DCDC2C: variants seen among roughly 807,000 people sequenced by gnomAD.
The protein encoded by DCDC2C is doublecortin domain containing 2C, also known as doublecortin domain-containing protein 2C.
Under a neutral mutation model 45.0 loss-of-function variants are expected in DCDC2C, and 44 were observed. The ratio of observed to expected loss-of-function variants is 0.98; its 90% CI spans 0.77 to 1.26. The LOEUF is 1.26. DCDC2C is among the 50% of genes most tolerant of loss of function. DCDC2C has a pLI of 0.00. For missense variants in DCDC2C, 447 were observed against 468.9 expected, an observed-to-expected ratio of 0.95 and a Z score of 0.43; for synonymous variants, 187 against 178.8, an observed-to-expected ratio of 1.05 and a Z score of -0.37.
At chr2:3,725,332 G>A (rs1668612495) in intron 2 of DCDC2C, among the ~76,000 whole-genome samples, 1 of 151,666 alleles carries the variant, frequency 6.6e-6, no homozygotes, top group South Asian at 2.1e-4. Flanking sequence ...GTGCAGCAGA[G>A]GCCCCGGGAA....
intron 2 of DCDC2C, among the ~76,000 whole-genome samples, chr2:3,719,399 T>C (rs1170600970): frequency 6.6e-6 from 1 of 152,212 alleles, no homozygotes; most frequent in Non-Finnish European, 1.5e-5. Context: ...GTTTTCATTT[T>C]CCAGGGGCTC....
intron 10 of DCDC2C, among the ~76,000 whole-genome samples, chr2:3,801,063 A>G (rs1201360942): frequency 3.9e-5 from 6 of 152,236 alleles, no homozygotes; most frequent in Non-Finnish European, 8.8e-5. Flanking sequence ...TAGATCCCCC[A>G]GGAATCCACA....
At chr2:3,726,930 G>A (rs1358376040) in intron 2 of DCDC2C, 73 bp from the exon 3 acceptor site, 22 of 1,348,866 alleles carry the variant, frequency 1.6e-5, no homozygotes, top group South Asian at 5.0e-5. Context: ...GGGCAGTGCT[G>A]TGCACACTGT....
rs76069920 is a variant in DCDC2C at position 3,783,740 on chromosome 2, T to A, written c.1024-1319T>A. 1.6e-3 allele frequency among the ~76,000 whole-genome samples: 237 copies of A among 152,316 alleles called. 7 individuals are homozygous for A. In the East Asian group the frequency reaches 0.045, roughly 29 times the overall value. On this transcript the variant is annotated intron_variant, in intron 9 of 10. Transcript: ENST00000399143. ...AGGCCTCTGGCCTGAGGCCGGAGTG[T>A]GGCCAAGCAGGAGCTGAGCGTGGCC...
intron 5 of DCDC2C, 55 bp downstream of exon 5, chr2:3,752,955 C>A: frequency 2.0e-6 from 3 of 1,525,006 alleles, no homozygotes; most frequent in Non-Finnish European, 8.8e-7. Context: ...TTAGCCTTTT[C>A]CCCAGTATCT....
At chr2:3,837,475 A>T (rs1420173232) in intron 10 of DCDC2C, among the ~76,000 whole-genome samples, 1 of 152,146 alleles carries the variant, frequency 6.6e-6, no homozygotes, top group African/African-American at 2.4e-5. Flanking sequence ...GTAGGGGAGC[A>T]CACACTGGGG....
chr2:3,836,841 G>A (rs890813515), intron 10 of DCDC2C, among the ~76,000 whole-genome samples: 4 of 133,400 alleles, frequency 3.0e-5, no homozygotes, highest in East Asian at 2.2e-4. Context: ...CAGCCTGGGC[G>A]ACAGAGCGAG....
chr2:3,765,620 A>G (rs1038776301), intron 6 of DCDC2C, among the ~76,000 whole-genome samples: 3 of 152,220 alleles, frequency 2.0e-5, no homozygotes, highest in Non-Finnish European at 4.4e-5. Flanking sequence ...GCGTGCTGGC[A>G]TTATTCACCT....
intron 10 of DCDC2C, among the ~76,000 whole-genome samples, chr2:3,828,154 A>G (rs1354173349): frequency 1.3e-5 from 2 of 152,234 alleles, no homozygotes; most frequent in African/African-American, 4.8e-5. Flanking sequence ...GTGGATTATA[A>G]ACTGCCTTTG....
At chr2:3,812,862 G>T (rs568599233) in intron 10 of DCDC2C, among the ~76,000 whole-genome samples, 1 of 152,026 alleles carries the variant, frequency 6.6e-6, no homozygotes, top group South Asian at 2.1e-4. Context: ...GGAGCAGGTT[G>T]TTCAATTTCC....
intron 6 of DCDC2C, among the ~76,000 whole-genome samples, chr2:3,758,081 G>A (rs969928095): frequency 6.6e-6 from 1 of 152,214 alleles, no homozygotes; most frequent in African/African-American, 2.4e-5. Context: ...GGAATAAATT[G>A]TATGGACTGA....
chr2:3,711,041 G>C (rs1323621830), intron 2 of DCDC2C, among the ~76,000 whole-genome samples: 1 of 152,198 alleles, frequency 6.6e-6, no homozygotes, highest in African/African-American at 2.4e-5. Context: ...CCCACCAACA[G>C]TGTATAAGCA....
intron 10 of DCDC2C, among the ~76,000 whole-genome samples, chr2:3,841,638 C>T (rs1672216630): frequency 1.3e-5 from 2 of 152,212 alleles, no homozygotes; most frequent in South Asian, 4.1e-4. Flanking sequence ...TGAGTAAACG[C>T]AATCCCTGCC....
Position 3,727,028 on chromosome 2 carries a change from T to A in DCDC2C, c.365T>A (p.Ile122Lys). 7.7e-6 allele frequency: 12 copies of A among 1,550,522 alleles called. No homozygotes were observed. The highest frequency in any genetic ancestry group is 1.0e-5 in the Non-Finnish European group (12 of 1,146,908). Residue 122 changes from isoleucine (I) to lysine (K), a missense_variant, in exon 3 of 11, where the codon ATA becomes AAA. Physicochemically the swap from Ile to Lys is moderately radical, Grantham distance 102. Coordinates refer to ENST00000399143, the MANE Select transcript of DCDC2C (RefSeq NM_001287444.2). ...KEIKPVVHCD[I>K]NVPSKWQTYH... ...ATCAAACCAGTGGTGCATTGTGATA[T>A]AAATGTGCCTTCCAAGTGGCAAACA...
At position 3,708,540 on chromosome 2, in the gene DCDC2C, CT is replaced by C. The variant is rs1256953422; in HGVS notation, c.288-5del. 5.9e-6 allele frequency: 9 copies of C among 1,535,342 alleles called. No homozygotes were observed. Among genetic ancestry groups the C allele is most frequent in the African/African-American group, 1.4e-5 (1 of 72,336 alleles). Reference sequence around the variant, plus strand: ...TTCTAATGATGTTTTCTTCTTTCTTCTTTTGCAGTTATATTCATATAGTTCC... The same window carrying C: ...TTCTAATGATGTTTTCTTCTTTCTTCTTTGCAGTTATATTCATATAGTTCC... On this transcript the variant is annotated splice_region_variant and splice_polypyrimidine_tract_variant and intron_variant, in intron 1 of 10. Transcript: ENST00000399143.
chr2:3,771,075 C>T (rs1162428832), intron 8 of DCDC2C, among the ~76,000 whole-genome samples: 1 of 152,264 alleles, frequency 6.6e-6, no homozygotes, highest in Non-Finnish European at 1.5e-5. Flanking sequence ...GACACAGAAA[C>T]AGACTCTCAG....
intron 10 of DCDC2C, among the ~76,000 whole-genome samples, chr2:3,806,292 G>T (rs1023004200): frequency 6.6e-6 from 1 of 152,220 alleles, no homozygotes; most frequent in African/African-American, 2.4e-5. Flanking sequence ...TTTCTGCAGT[G>T]TTTTGGTCTC....
At chr2:3,815,998 A>T (rs560617665) in intron 10 of DCDC2C, among the ~76,000 whole-genome samples, 4 of 150,478 alleles carry the variant, frequency 2.7e-5, no homozygotes, top group South Asian at 2.1e-4. Flanking sequence ...GGTGGCAAAA[A>T]TTTTTTTTGG....
intron 10 of DCDC2C, among the ~76,000 whole-genome samples, chr2:3,840,940 C>A (rs1672199049): frequency 6.6e-6 from 1 of 152,218 alleles, no homozygotes; most frequent in Admixed American, 6.5e-5. Flanking sequence ...TTTGAGTAAA[C>A]CATGCTCTCA....
Sources: allele counts gnomAD v4.1 joint callset (sites outside exome capture counted in the v4.1 genomes callset), GRCh38; gene constraint gnomAD v4.1.1; transcripts MANE v1.5; gene names NCBI Gene and HGNC (gene_info 2026-07-23, HGNC 2026-07-21).